GALNT14: variants seen among roughly 807,000 people sequenced by gnomAD.
GALNT14 encodes the protein polypeptide N-acetylgalactosaminyltransferase 14, also known as UDP-GalNAc:polypeptide N-acetylgalactosaminyltransferase 14.
A neutral mutation model predicts 77.5 loss-of-function variants in GALNT14; 60 were observed. The ratio of observed to expected loss-of-function variants is 0.77; its 90% confidence interval spans 0.63 to 0.96. The LOEUF (loss-of-function observed/expected upper bound fraction) is 0.96. Among genes scored for constraint, GALNT14 ranks in the 40% least tolerant of loss-of-function variants. The pLI is 0.00. For missense variants in GALNT14, 710 were observed against 731.0 expected (o/e 0.97, Z 0.33); for synonymous variants, 280 against 281.7 (o/e 0.99, Z 0.06).
At chr2:30,934,183 A>G (rs1284862169) in intron 9 of GALNT14, among the ~76,000 whole-genome samples, 1 of 152,198 alleles carries the variant, frequency 6.6e-6, no homozygotes, top group Non-Finnish European at 1.5e-5. Context: ...GTCATTGAGC[A>G]AGGAGTGAGC....
chr2:30,920,721 A>G (rs1664980086), intron 13 of GALNT14, among the ~76,000 whole-genome samples: 1 of 152,002 alleles, frequency 6.6e-6, no homozygotes, highest in Admixed American at 6.6e-5. Flanking sequence ...GATTTCTTTC[A>G]GTCCCATGTG....
intron 2 of GALNT14, among the ~76,000 whole-genome samples, chr2:30,989,719 A>ATATATATAAATATATATATTAG (rs755227167): frequency 5.9e-5 from 4 of 67,340 alleles, no homozygotes; most frequent in East Asian, 5.1e-4. Context: ...ATATATTAGT[A>ATATATATAAATATATATATTAG]TATATATATA....
At chr2:30,897,665 T>C in the GALNT14 span, among the ~76,000 whole-genome samples, 12 of 152,160 alleles carry the variant, frequency 7.9e-5, no homozygotes, top group Admixed American at 5.9e-4. Context: ...GCACACACAC[T>C]GCGCATGGCG....
chr2:31,038,018 A>G (rs897123197), intron 1 of GALNT14, among the ~76,000 whole-genome samples: 9 of 140,894 alleles, frequency 6.4e-5, no homozygotes, highest in African/African-American at 2.5e-4. Context: ...GTGGCATCTC[A>G]TTCTCCAGGT....
intron 6 of GALNT14, among the ~76,000 whole-genome samples, chr2:30,955,285 G>A (rs951046010): frequency 6.6e-6 from 1 of 152,138 alleles, no homozygotes; most frequent in Non-Finnish European, 1.5e-5. Flanking sequence ...TTCCCATTCT[G>A]GAACCTTCTG....
At chr2:31,042,397 C>T (rs1673155921) in intron 1 of GALNT14, among the ~76,000 whole-genome samples, 1 of 152,040 alleles carries the variant, frequency 6.6e-6, no homozygotes, top group African/African-American at 2.4e-5. Context: ...AATGATGAAT[C>T]ATAAAGGGAA....
At chr2:30,905,240 C>G in the GALNT14 span, among the ~76,000 whole-genome samples, 3 of 152,060 alleles carry the variant, frequency 2.0e-5, no homozygotes, top group Non-Finnish European at 2.9e-5. Context: ...AGAGAAGAAG[C>G]CTTCAGACGA....
At chr2:31,079,497 G>T (rs772879310) in intron 1 of GALNT14, among the ~76,000 whole-genome samples, 1 of 152,190 alleles carries the variant, frequency 6.6e-6, no homozygotes, top group Non-Finnish European at 1.5e-5. Flanking sequence ...AATGAAGGCT[G>T]CCAGGTGGAG....
In GALNT14 at chr2:30,911,206, T is replaced by C. The variant is rs75217918; in HGVS notation, c.1501-147A>G. 2,353 of 657,290 alleles carry C rather than the reference T, an allele frequency of 3.6e-3. 41 individuals are homozygous for C. Among genetic ancestry groups the C allele is most frequent in the African/African-American group, 0.035 (1,914 of 54,062 alleles). 40.7% of individuals were successfully genotyped at this position (657,290 alleles called of 1,614,324 possible). On this transcript the variant is annotated intron_variant, in intron 14 of 14. Transcript: ENST00000349752. The stretch of plus-strand genomic sequence containing the variant: ...CATAAGCACTAAAACTGCAACTAAT[T>C]GCTCTACCAGGTATTATTGTTGGTT...
At chr2:31,015,906 T>A (rs1244087401) in intron 1 of GALNT14, among the ~76,000 whole-genome samples, 1 of 152,132 alleles carries the variant, frequency 6.6e-6, no homozygotes, top group African/African-American at 2.4e-5. Context: ...GCCACTGGGA[T>A]CATCCCACCA....
At chr2:30,921,405 G>T (rs1373502533) in intron 13 of GALNT14, among the ~76,000 whole-genome samples, 2 of 152,170 alleles carry the variant, frequency 1.3e-5, no homozygotes, top group Non-Finnish European at 2.9e-5. Context: ...TGCCACTTGA[G>T]CAAATTATGT....
rs950131480 is a variant in GALNT14 at position 30,919,090 on chromosome 2, T to C, written c.1380+5029A>G. 7.9e-5 allele frequency among the ~76,000 whole-genome samples: 12 copies of C among 152,334 alleles called. No individual in the cohort carries two copies. In the East Asian group the frequency reaches 2.1e-3, roughly 27 times the overall value. Reference sequence around the variant, plus strand: ...AAGGACGAGCTAAAAATATATCTTATGTTTTTCCCCTTTCTTTAAATTGGG... The same window carrying C: ...AAGGACGAGCTAAAAATATATCTTACGTTTTTCCCCTTTCTTTAAATTGGG... On this transcript the variant is annotated intron_variant, in intron 13 of 14. Transcript: ENST00000349752.
At chr2:31,025,327 G>A (rs1286850470) in intron 1 of GALNT14, among the ~76,000 whole-genome samples, 1 of 152,140 alleles carries the variant, frequency 6.6e-6, no homozygotes, top group Non-Finnish European at 1.5e-5. Context: ...TGTTAATCCA[G>A]ACCCATGAGC....
intron 6 of GALNT14, among the ~76,000 whole-genome samples, chr2:30,955,132 G>A (rs1289600397): frequency 6.6e-6 from 1 of 152,184 alleles, no homozygotes; most frequent in African/African-American, 2.4e-5. Flanking sequence ...AGAGGGGCAA[G>A]GAATTCAGGT....
intron 1 of GALNT14, among the ~76,000 whole-genome samples, chr2:31,104,031 T>G (rs1677428157): frequency 6.6e-6 from 1 of 152,174 alleles, no homozygotes; most frequent in Non-Finnish European, 1.5e-5. Context: ...CACACTTTCT[T>G]TCTTTGCTTA....
chr2:30,974,839 G>C (rs1242789957), intron 2 of GALNT14, among the ~76,000 whole-genome samples: 1 of 152,216 alleles, frequency 6.6e-6, no homozygotes, highest in Non-Finnish European at 1.5e-5. Context: ...CAATACCCAG[G>C]ATGATGACTA....
chr2:30,980,221 C>T (rs115300910), intron 2 of GALNT14, among the ~76,000 whole-genome samples: 12 of 152,356 alleles, frequency 7.9e-5, no homozygotes, highest in African/African-American at 2.6e-4. Flanking sequence ...GAGCCTGGAC[C>T]TCTCTACATT....
chr2:31,129,707 T>A, intron 1 of GALNT14: 1 of 942,920 alleles, frequency 1.1e-6, no homozygotes, highest in Non-Finnish European at 1.3e-6. Flanking sequence ...TGGACCAGTC[T>A]CTATGGCTGG....
chr2:31,009,376 G>A (rs886122650), intron 1 of GALNT14, among the ~76,000 whole-genome samples: 17 of 152,036 alleles, frequency 1.1e-4, no homozygotes, highest in Non-Finnish European at 2.5e-4. Flanking sequence ...CTCAGACTTT[G>A]GCATCTTCTT....
Sources: gnomAD v4.1 joint callset for allele counts (sites outside exome capture counted in the v4.1 genomes callset) on GRCh38, gnomAD v4.1.1 for gene constraint, MANE v1.5 for transcripts, NCBI Gene and HGNC (gene_info 2026-07-23, HGNC 2026-07-21) for gene names.